The following FBXW11 variants were observed in gnomAD, a reference collection of about 807,000 sequenced individuals.
The protein encoded by FBXW11 is F-box and WD repeat domain containing 11.
A neutral mutation model predicts 77.6 loss-of-function variants in FBXW11; 19 were observed. The observed-to-expected ratio is 0.24, with a 90% CI of 0.17 to 0.36. The LOEUF (loss-of-function observed/expected upper bound fraction) is 0.36. Among genes scored for constraint, FBXW11 ranks in the 10% least tolerant of loss-of-function variants. The probability of loss-of-function intolerance (pLI) is 1.00; values close to 1 mark genes in which losing one functional copy is unlikely to be tolerated. For synonymous variants in FBXW11, 235 were observed against 249.4 expected, an observed-to-expected ratio of 0.94 and a Z score of 0.54; for missense variants, 334 against 704.2, an observed-to-expected ratio of 0.47 and a Z score of 5.95.
At chr5:171,912,114 T>C (rs1260646823) in intron 3 of FBXW11, among the ~76,000 whole-genome samples, 1 of 152,200 alleles carries the variant, frequency 6.6e-6, no homozygotes, top group African/African-American at 2.4e-5. Flanking sequence ...GTGGACTAAA[T>C]CCATCCCAGA....
chr5:171,884,207 A>G (rs140035844), intron 7 of FBXW11, among the ~76,000 whole-genome samples: 43 of 152,244 alleles, frequency 2.8e-4, no homozygotes, highest in African/African-American at 8.4e-4. Context: ...CATTGAGTTG[A>G]TTTTTGTATA....
chr5:171,902,102 A>G (rs1007337287), intron 4 of FBXW11, among the ~76,000 whole-genome samples: 66 of 152,192 alleles, frequency 4.3e-4, no homozygotes, highest in African/African-American at 1.5e-3. Context: ...AGTCATCTAT[A>G]TGTGCCATTG....
intron 2 of FBXW11, among the ~76,000 whole-genome samples, chr5:171,940,685 C>T (rs994290729): frequency 6.6e-6 from 1 of 152,202 alleles, no homozygotes; most frequent in East Asian, 1.9e-4. Flanking sequence ...GTCAGGAGTT[C>T]GAGACCAGCC....
intron 2 of FBXW11, among the ~76,000 whole-genome samples, chr5:171,929,787 G>A (rs1284944883): frequency 6.6e-6 from 1 of 152,214 alleles, no homozygotes. Flanking sequence ...GGGAGGCGGA[G>A]GTTGCAGAGA....
chr5:171,865,350 C>T (rs1020855836), intron 13 of FBXW11, among the ~76,000 whole-genome samples: 1 of 151,274 alleles, frequency 6.6e-6, no homozygotes, highest in Non-Finnish European at 1.5e-5. Context: ...TTTCCAGAAT[C>T]CCTCCAAAGA....
Position 171,880,792 on chromosome 5 carries a change from G to A in FBXW11, c.853-2663C>T, listed in dbSNP as rs1561642556. 3.3e-5 allele frequency among the ~76,000 whole-genome samples: 5 copies of A among 152,246 alleles called. No individual in the cohort carries two copies. In the South Asian group the frequency reaches 1.0e-3, roughly 32 times the overall value. Reference sequence around the variant, plus strand: ...GCTCACTGCAACCTCCGCCTCCCAAGTTCAAGCTATTGTCCTGCCTCAGCC... The same window carrying A: ...GCTCACTGCAACCTCCGCCTCCCAAATTCAAGCTATTGTCCTGCCTCAGCC... On this transcript the variant is annotated intron_variant, in intron 7 of 13. Coordinates refer to ENST00000517395, the MANE Select transcript of FBXW11 (RefSeq NM_001378974.1).
chr5:171,967,194 C>T (rs989689652), intron 1 of FBXW11, among the ~76,000 whole-genome samples: 6 of 152,194 alleles, frequency 3.9e-5, no homozygotes, highest in African/African-American at 1.2e-4. Flanking sequence ...GAAACTCATG[C>T]ACATCATTTG....
chr5:171,997,495 C>T (rs116778610), intron 1 of FBXW11, among the ~76,000 whole-genome samples: 2 of 152,190 alleles, frequency 1.3e-5, no homozygotes, highest in Non-Finnish European at 2.9e-5. Flanking sequence ...TATTTATTTA[C>T]GTACCTAACA....
intron 1 of FBXW11, among the ~76,000 whole-genome samples, chr5:171,967,066 C>T (rs997325803): frequency 6.6e-6 from 1 of 152,212 alleles, no homozygotes; most frequent in Non-Finnish European, 1.5e-5. Context: ...TGACATTAAA[C>T]TCCGTAGAGC....
At chr5:171,947,162 A>G (rs955333569) in intron 2 of FBXW11, among the ~76,000 whole-genome samples, 44 of 152,112 alleles carry the variant, frequency 2.9e-4, no homozygotes, top group African/African-American at 1.1e-3. Context: ...TGAGACAACA[A>G]GGCTTTTTGT....
At position 171,876,270 on chromosome 5, in the gene FBXW11, T is replaced by G. The variant is rs1214447949; in HGVS notation, c.1221+15A>C. ...GGACAGGAACAGGTAGGGTTATGAC[T>G]GCAGACATACTTACTTTGATGGTCC... is the stretch of plus-strand genomic sequence containing the variant. On this transcript the variant is annotated intron_variant, in intron 9 of 13. Transcript: ENST00000517395. This position sits in a 1 kb window ranked among gnomAD's most constrained non-coding sequence, Gnocchi z 4.2. 1.2e-6 allele frequency: 2 copies of G among 1,613,880 alleles called. No individual in the cohort carries two copies. Among genetic ancestry groups the G allele is most frequent in the African/African-American group, 2.7e-5 (2 of 74,928 alleles).
intron 1 of FBXW11, among the ~76,000 whole-genome samples, chr5:171,982,007 T>C (rs1417719937): frequency 6.6e-6 from 1 of 152,118 alleles, no homozygotes; most frequent in African/African-American, 2.4e-5. Context: ...GCAGGTTATT[T>C]AGGGCTGGGG....
At chr5:171,974,533 C>T (rs1764711109) in intron 1 of FBXW11, among the ~76,000 whole-genome samples, 1 of 151,690 alleles carries the variant, frequency 6.6e-6, no homozygotes, top group Admixed American at 6.6e-5. Context: ...ATAAGTTTCC[C>T]TTATACATAA....
chr5:171,962,117 T>A (rs1261967817), intron 1 of FBXW11, among the ~76,000 whole-genome samples: 3 of 152,204 alleles, frequency 2.0e-5, no homozygotes, highest in African/African-American at 7.2e-5. Context: ...CCTTTTTTTT[T>A]AAGTGAGCAG....
intron 9 of FBXW11, among the ~76,000 whole-genome samples, chr5:171,875,625 T>G (rs1758026597): frequency 6.6e-6 from 1 of 152,226 alleles, no homozygotes; most frequent in Non-Finnish European, 1.5e-5. Context: ...AAAGATGTTA[T>G]AAAAGCATAG....
intron 2 of FBXW11, among the ~76,000 whole-genome samples, chr5:171,920,033 G>C (rs919042278): frequency 6.6e-6 from 1 of 152,136 alleles, no homozygotes; most frequent in African/African-American, 2.4e-5. Context: ...GCACATGCCT[G>C]TAGTCTCAGC....
At position 171,873,093 on chromosome 5, in the gene FBXW11, G is replaced by A; in HGVS notation, c.1222-103C>T. 4 of 932,220 alleles carry A rather than the reference G, an allele frequency of 4.3e-6. No individual in the cohort carries two copies. In the South Asian group the frequency reaches 6.4e-5, roughly 15 times the overall value. The allele number at this position is 932,220 out of a possible 1,614,324, so 57.7% of individuals were successfully genotyped here. ...GAGCTTCTGATAATGACCCAAATATGTGATTATAAAATACGGTGTCCTCTA... is the reference window on the plus strand; with the variant it reads ...GAGCTTCTGATAATGACCCAAATATATGATTATAAAATACGGTGTCCTCTA... On this transcript the variant is annotated intron_variant, in intron 9 of 13. Transcript: ENST00000517395.
intron 1 of FBXW11, among the ~76,000 whole-genome samples, chr5:172,005,675 A>C (rs1361398538): frequency 6.6e-6 from 1 of 151,964 alleles, no homozygotes; most frequent in Non-Finnish European, 1.5e-5. Flanking sequence ...TCTGAGAAGA[A>C]AGACCTCGCG....
chr5:171,878,926 G>A (rs536753697), intron 7 of FBXW11, among the ~76,000 whole-genome samples: 2 of 152,226 alleles, frequency 1.3e-5, no homozygotes, highest in African/African-American at 4.8e-5. Context: ...AGTGGAAAAT[G>A]AAATGTCCAG....
Sources: allele counts gnomAD v4.1 joint callset (sites outside exome capture counted in the v4.1 genomes callset), GRCh38; gene constraint gnomAD v4.1.1; non-coding constraint Gnocchi (gnomAD v3.1); transcripts MANE v1.5; gene names NCBI Gene and HGNC (gene_info 2026-07-23, HGNC 2026-07-21).